Variants in HSD17B12 observed in about 807,000 individuals in gnomAD.
HSD17B12 encodes the protein hydroxysteroid 17-beta dehydrogenase 12.
A neutral mutation model predicts 39.3 loss-of-function variants in HSD17B12; 32 were observed. The ratio of observed to expected loss-of-function variants is 0.81; its 90% confidence interval spans 0.61 to 1.09. HSD17B12 has a LOEUF of 1.09. Ranked by LOEUF, HSD17B12 falls within the 50% of genes least tolerant of loss-of-function variation. The probability of loss-of-function intolerance (pLI) is 0.00; values close to 1 mark genes in which losing one functional copy is unlikely to be tolerated. For missense variants in HSD17B12, 342 were observed against 382.9 expected, an observed-to-expected ratio of 0.89 and a Z score of 0.89; for synonymous variants, 150 against 146.7, an observed-to-expected ratio of 1.02 and a Z score of -0.16.
At chr11:43,557,103 C>G in the HSD17B12 span, 30 of 152,264 alleles carry the variant, frequency 2.0e-4, no homozygotes, top group African/African-American at 6.5e-4. Flanking sequence ...TACAAATTGC[C>G]TAGACTTCTT....
chr11:43,678,116 A>T (rs1202780564), upstream of HSD17B12, among the ~76,000 whole-genome samples: 5 of 152,146 alleles, frequency 3.3e-5, no homozygotes, highest in Non-Finnish European at 5.9e-5. Context: ...CTTTTTAATG[A>T]TTGCCATTCT....
the HSD17B12 span, among the ~76,000 whole-genome samples, chr11:43,649,055 T>C: frequency 6.6e-6 from 1 of 151,920 alleles, no homozygotes; most frequent in African/African-American, 2.4e-5. Context: ...AATTCATTTT[T>C]GGTAGGGAGA....
At chr11:43,691,526 C>T (rs1195420348) in intron 1 of HSD17B12, among the ~76,000 whole-genome samples, 1 of 152,182 alleles carries the variant, frequency 6.6e-6, no homozygotes, top group Non-Finnish European at 1.5e-5. Flanking sequence ...ACTACAGTCT[C>T]TCTCGCATCC....
At chr11:43,681,497 C>A (rs1042646133) in intron 1 of HSD17B12, 5 of 152,370 alleles carry the variant, frequency 3.3e-5, no homozygotes, top group African/African-American at 9.7e-5. Flanking sequence ...TTTTGCACTG[C>A]GGAATCGTAC....
At chr11:43,689,190 A>C (rs1949830355) in intron 1 of HSD17B12, among the ~76,000 whole-genome samples, 2 of 152,194 alleles carry the variant, frequency 1.3e-5, no homozygotes, top group Non-Finnish European at 2.9e-5. Context: ...GTTATTTATA[A>C]TTTTTCAATT....
the HSD17B12 span, among the ~76,000 whole-genome samples, chr11:43,653,593 T>C: frequency 6.6e-6 from 1 of 152,092 alleles, no homozygotes; most frequent in Non-Finnish European, 1.5e-5. Flanking sequence ...ATGTTCCTCT[T>C]CCTGTGTCCA....
chr11:43,631,541 C>CTGTG, the HSD17B12 span, among the ~76,000 whole-genome samples: 5 of 151,450 alleles, frequency 3.3e-5, no homozygotes. Context: ...TTCTCTCTCT[C>CTGTG]TGTGTGTGTG....
the HSD17B12 span, among the ~76,000 whole-genome samples, chr11:43,658,589 G>C: frequency 6.6e-6 from 1 of 152,162 alleles, no homozygotes; most frequent in East Asian, 1.9e-4. Flanking sequence ...TGTCCTTTCT[G>C]TTTGTTAGTT....
chr11:43,772,034 ATATC>A (rs2134988784), intron 3 of HSD17B12, among the ~76,000 whole-genome samples: 1 of 152,278 alleles, frequency 6.6e-6, no homozygotes, highest in Admixed American at 6.5e-5. Context: ...ATATATATAT[ATATC>A]TCTGTCTCTC....
intron 4 of HSD17B12, among the ~76,000 whole-genome samples, chr11:43,809,391 G>T (rs1358289579): frequency 6.6e-6 from 1 of 152,152 alleles, no homozygotes; most frequent in Non-Finnish European, 1.5e-5. Context: ...GGACTCTGGG[G>T]TCTGTATTCT....
intron 1 of HSD17B12, among the ~76,000 whole-genome samples, chr11:43,692,742 G>A (rs1949874272): frequency 6.6e-6 from 1 of 152,146 alleles, no homozygotes; most frequent in Non-Finnish European, 1.5e-5. Flanking sequence ...TTGAAATTGT[G>A]ATAAAATAAG....
At chr11:43,751,960 G>T (rs1444551867) in intron 2 of HSD17B12, among the ~76,000 whole-genome samples, 5 of 152,062 alleles carry the variant, frequency 3.3e-5, no homozygotes, top group African/African-American at 1.2e-4. Flanking sequence ...GTTTCCGGTT[G>T]CCCCAATACA....
intron 9 of HSD17B12, chr11:43,853,812 AAAG>A (rs1245835668): frequency 3.8e-5 from 5 of 131,210 alleles, no homozygotes; most frequent in African/African-American, 1.5e-4. Flanking sequence ...AAAAAGAAAA[AAAG>A]AAGTATCATT....
chr11:43,640,010 T>C, the HSD17B12 span, among the ~76,000 whole-genome samples: 4 of 152,176 alleles, frequency 2.6e-5, no homozygotes, highest in South Asian at 8.3e-4. Flanking sequence ...ATTGGTTATG[T>C]TTGGAGTATG....
At chr11:43,819,594 C>G (rs1377991361) in intron 6 of HSD17B12, among the ~76,000 whole-genome samples, 1 of 152,132 alleles carries the variant, frequency 6.6e-6, no homozygotes, top group Non-Finnish European at 1.5e-5. Flanking sequence ...AATATCTTGA[C>G]AAATTATAAA....
At chr11:43,607,597 G>A in the HSD17B12 span, among the ~76,000 whole-genome samples, 4 of 151,992 alleles carry the variant, frequency 2.6e-5, no homozygotes, top group African/African-American at 9.7e-5. Flanking sequence ...TGTGAGGTAG[G>A]AACTAATAAT....
the HSD17B12 span, among the ~76,000 whole-genome samples, chr11:43,635,083 A>C: frequency 6.6e-6 from 1 of 152,226 alleles, no homozygotes; most frequent in Non-Finnish European, 1.5e-5. Flanking sequence ...TATAAAAAAA[A>C]CAGATGAAGA....
At chr11:43,634,716 G>T in the HSD17B12 span, among the ~76,000 whole-genome samples, 1 of 152,176 alleles carries the variant, frequency 6.6e-6, no homozygotes, top group African/African-American at 2.4e-5. Context: ...ACATCCAGGA[G>T]GGTGGGATTG....
chr11:43,771,989 T>C (rs555528586), intron 3 of HSD17B12, among the ~76,000 whole-genome samples: 1 of 151,744 alleles, frequency 6.6e-6, no homozygotes, highest in South Asian at 2.1e-4. Context: ...TTTTCATTTA[T>C]TTTGGTAGTT....
Sources: gnomAD v4.1 joint callset for allele counts (sites outside exome capture counted in the v4.1 genomes callset) on GRCh38, gnomAD v4.1.1 for gene constraint, MANE v1.5 for transcripts, NCBI Gene and HGNC (gene_info 2026-07-23, HGNC 2026-07-21) for gene names.